STAG1: variants seen among roughly 807,000 people sequenced by gnomAD.
STAG1 encodes cohesin subunit SA-1.
Under a neutral mutation model 170.9 loss-of-function variants are expected in STAG1, and 26 were observed. The ratio of observed to expected loss-of-function variants is 0.15; its 90% CI spans 0.11 to 0.21. The LOEUF (loss-of-function observed/expected upper bound fraction) is 0.21, where lower values mean the gene tolerates loss of function less well. Ranked by LOEUF, STAG1 falls within the 10% of genes least tolerant of loss-of-function variation. The probability of loss-of-function intolerance (pLI) is 1.00; values close to 1 mark genes in which losing one functional copy is unlikely to be tolerated. For missense variants in STAG1, 964 were observed against 1,509.5 expected (o/e 0.64, Z 5.99); for synonymous variants, 514 against 497.7 (o/e 1.03, Z -0.44).
intron 30 of STAG1, among the ~76,000 whole-genome samples, chr3:136,343,320 C>T (rs1214666770): frequency 6.6e-6 from 1 of 152,286 alleles, no homozygotes; most frequent in African/African-American, 2.4e-5. Flanking sequence ...AAGGTAAGAC[C>T]TTGATTTTCT....
At chr3:136,714,172 C>CAGAG (rs1943459227) in intron 1 of STAG1, among the ~76,000 whole-genome samples, 1 of 152,078 alleles carries the variant, frequency 6.6e-6, no homozygotes, top group Non-Finnish European at 1.5e-5. Context: ...AGCCTGCACT[C>CAGAG]CCGTCTGAGC....
intron 29 of STAG1, among the ~76,000 whole-genome samples, chr3:136,346,171 A>C (rs1296669253): frequency 6.6e-6 from 1 of 152,136 alleles, no homozygotes; most frequent in Non-Finnish European, 1.5e-5. Flanking sequence ...CAGAGCATTG[A>C]CCATGGTGAA....
At chr3:136,576,780 C>A (rs1460120360) in intron 4 of STAG1, among the ~76,000 whole-genome samples, 1 of 152,188 alleles carries the variant, frequency 6.6e-6, no homozygotes, top group Non-Finnish European at 1.5e-5. Flanking sequence ...CCACATTCTT[C>A]AAATTCTATT....
chr3:136,457,580 T>C (rs563258995), intron 13 of STAG1, among the ~76,000 whole-genome samples: 1 of 152,230 alleles, frequency 6.6e-6, no homozygotes, highest in African/African-American at 2.4e-5. Flanking sequence ...CACTCATTCT[T>C]AACTTGTCTT....
chr3:136,577,954 G>T (rs1360480584), intron 4 of STAG1, among the ~76,000 whole-genome samples: 1 of 152,172 alleles, frequency 6.6e-6, no homozygotes, highest in African/African-American at 2.4e-5. Context: ...TAACAGCTGA[G>T]ATACCAGAGC....
chr3:136,445,948 A>T (rs2088765443), intron 14 of STAG1, among the ~76,000 whole-genome samples: 1 of 152,218 alleles, frequency 6.6e-6, no homozygotes, highest in Admixed American at 6.5e-5. Flanking sequence ...CCAAATGATA[A>T]TCTGCATTTT....
chr3:136,384,940 T>C (rs144118162), intron 22 of STAG1, among the ~76,000 whole-genome samples: 132 of 152,264 alleles, frequency 8.7e-4, no homozygotes, highest in African/African-American at 3.1e-3. Flanking sequence ...CATTGGAATT[T>C]TACTTCCACA....
At chr3:136,743,747 T>A (rs993271535) in intron 1 of STAG1, among the ~76,000 whole-genome samples, 1 of 152,188 alleles carries the variant, frequency 6.6e-6, no homozygotes, top group Non-Finnish European at 1.5e-5. Context: ...GAAGCCATCA[T>A]AACCCAAATA....
chr3:136,502,488 C>T (rs898249786), intron 8 of STAG1, 140 bp downstream of exon 8: 2 of 878,814 alleles, frequency 2.3e-6, no homozygotes, highest in African/African-American at 3.4e-5. Flanking sequence ...AACACTCCAG[C>T]TTCATTTGGA....
At chr3:136,495,569 A>G (rs993885262) in intron 9 of STAG1, among the ~76,000 whole-genome samples, 1 of 152,170 alleles carries the variant, frequency 6.6e-6, no homozygotes, top group Admixed American at 6.5e-5. Flanking sequence ...ACGGTGGCTC[A>G]TGTCTGTAAT....
At chr3:136,498,284 TAC>T (rs71157390) in intron 9 of STAG1, among the ~76,000 whole-genome samples, 1,677 of 86,938 alleles carry the variant, frequency 0.019, 71 homozygotes, top group African/African-American at 0.069. Flanking sequence ...CACACACACA[TAC>T]ACACACACAC....
rs1016244182 is a variant in STAG1, at chr3:136,338,052, T to C, written c.*202A>G. 3 of 557,196 alleles carry C rather than the reference T, an allele frequency of 5.4e-6. No individual in the cohort carries two copies. The highest frequency in any genetic ancestry group is 9.6e-6 in the Non-Finnish European group (3 of 310,882). 34.5% of individuals were successfully genotyped at this position (557,196 alleles called of 1,614,324 possible). A position where few individuals can be genotyped will look rare whatever the true frequency, so the allele number is the denominator to read the frequency against. On this transcript the variant is annotated 3_prime_UTR_variant, in exon 34 of 34. Transcript: ENST00000383202. ...CACAAATGATTTTCAGGTCAGTCTTTCTGAGTTGACATTCACCAACATTCC... is the reference window on the plus strand; with the variant it reads ...CACAAATGATTTTCAGGTCAGTCTTCCTGAGTTGACATTCACCAACATTCC...
At chr3:136,597,563 T>C (rs899014059) in intron 4 of STAG1, among the ~76,000 whole-genome samples, 6 of 152,208 alleles carry the variant, frequency 3.9e-5, no homozygotes, top group Non-Finnish European at 5.9e-5. Context: ...TTGTACTTCA[T>C]TGATTTTACT....
intron 1 of STAG1, among the ~76,000 whole-genome samples, chr3:136,677,519 T>C (rs1942161527): frequency 6.6e-6 from 1 of 152,198 alleles, no homozygotes; most frequent in East Asian, 1.9e-4. Context: ...GCATTCAGGT[T>C]AGAACCTAAT....
chr3:136,400,716 A>C (rs763255129), intron 21 of STAG1, among the ~76,000 whole-genome samples: 17 of 151,882 alleles, frequency 1.1e-4, no homozygotes, highest in Non-Finnish European at 2.2e-4. Context: ...TTGTATTTTT[A>C]GTAGAGACAG....
intron 1 of STAG1, among the ~76,000 whole-genome samples, chr3:136,698,571 C>G (rs368514911): frequency 1.3e-5 from 2 of 152,126 alleles, no homozygotes; most frequent in African/African-American, 2.4e-5. Flanking sequence ...ACAACCACTA[C>G]GGAAAACGGT....
intron 1 of STAG1, among the ~76,000 whole-genome samples, chr3:136,727,630 T>G (rs1404963173): frequency 6.6e-6 from 1 of 152,218 alleles, no homozygotes; most frequent in Non-Finnish European, 1.5e-5. Context: ...TTCCCCCTTT[T>G]GGGTCTCTAG....
At chr3:136,590,193 A>C (rs747748999) in intron 4 of STAG1, among the ~76,000 whole-genome samples, 59 of 151,958 alleles carry the variant, frequency 3.9e-4, no homozygotes, top group Non-Finnish European at 7.1e-4. Context: ...ATGACTAAAA[A>C]CTAAAGACTG....
intron 1 of STAG1, among the ~76,000 whole-genome samples, chr3:136,700,573 C>T (rs995688478): frequency 3.3e-5 from 5 of 151,924 alleles, no homozygotes; most frequent in African/African-American, 7.3e-5. Context: ...GTGCCCGCTA[C>T]CACGCCCGGC....
Sources: gnomAD v4.1 joint callset for allele counts (sites outside exome capture counted in the v4.1 genomes callset) on GRCh38, gnomAD v4.1.1 for gene constraint, MANE v1.5 for transcripts, NCBI Gene and HGNC (gene_info 2026-07-23, HGNC 2026-07-21) for gene names.